The following ZFR variants were observed in gnomAD, a reference collection of about 807,000 sequenced individuals.
ZFR encodes the protein zinc finger RNA binding protein, also known as zinc finger RNA-binding protein.
In ZFR, 19 loss-of-function variants were observed where a neutral mutation model predicts 130.7. The observed-to-expected ratio is 0.15, with a 90% CI of 0.10 to 0.21. The LOEUF (loss-of-function observed/expected upper bound fraction) is 0.21, where lower values mean the gene tolerates loss of function less well. Among genes scored for constraint, ZFR ranks in the 10% least tolerant of loss-of-function variants. The probability of loss-of-function intolerance (pLI) is 1.00; values close to 1 mark genes in which losing one functional copy is unlikely to be tolerated. For missense variants in ZFR, 872 were observed against 1,321.5 expected (o/e 0.66, Z 5.27); for synonymous variants, 466 against 456.9 (o/e 1.02, Z -0.25).
intron 16 of ZFR, 195 bp from the exon 17 acceptor site, chr5:32,379,405 T>C: frequency 1.6e-6 from 1 of 617,358 alleles, no homozygotes; most frequent in Non-Finnish European, 2.9e-6. Flanking sequence ...AAGCTGGTAT[T>C]TAGGTCAAAG....
chr5:32,391,528 T>C (rs967523264), intron 11 of ZFR, among the ~76,000 whole-genome samples: 45 of 82,326 alleles, frequency 5.5e-4, no homozygotes, highest in Non-Finnish European at 1.0e-3. Context: ...ATCTACTCTT[T>C]TTTTTTTTTT....
intron 8 of ZFR, among the ~76,000 whole-genome samples, chr5:32,402,297 C>G (rs927130495): frequency 6.6e-6 from 1 of 151,984 alleles, no homozygotes; most frequent in Non-Finnish European, 1.5e-5. Context: ...GTATCTTAAG[C>G]CTAAAGGTGT....
intron 17 of ZFR, 132 bp downstream of exon 17, chr5:32,378,983 T>C (rs1752884181): frequency 3.2e-6 from 2 of 623,026 alleles, no homozygotes; most frequent in Non-Finnish European, 5.4e-6. Context: ...TCCCCCAGGA[T>C]TTTTCATCAG....
chr5:32,405,388 A>AT (rs1561897608), intron 6 of ZFR, among the ~76,000 whole-genome samples: 1 of 152,086 alleles, frequency 6.6e-6, no homozygotes, highest in African/African-American at 2.4e-5. Flanking sequence ...TCTCAATGAT[A>AT]TTTTTCGCTA....
intron 4 of ZFR, among the ~76,000 whole-genome samples, chr5:32,416,881 C>T (rs1313250024): frequency 6.7e-6 from 1 of 148,924 alleles, no homozygotes; most frequent in Non-Finnish European, 1.5e-5. Flanking sequence ...TCACACCCTT[C>T]AAAAATAATT....
chr5:32,363,095 C>T (rs1004885456), intron 19 of ZFR, among the ~76,000 whole-genome samples: 4 of 152,272 alleles, frequency 2.6e-5, no homozygotes, highest in Admixed American at 6.5e-5. Context: ...CCATTTCTGG[C>T]CTAACAATTT....
intron 15 of ZFR, among the ~76,000 whole-genome samples, chr5:32,381,156 C>T (rs117522559): frequency 7.9e-5 from 12 of 151,944 alleles, no homozygotes; most frequent in Non-Finnish European, 1.0e-4. Context: ...GATCCTGTGA[C>T]GATAGATGTG....
intron 2 of ZFR, among the ~76,000 whole-genome samples, chr5:32,430,079 CAAAA>C (rs56163955): frequency 4.1e-4 from 29 of 70,292 alleles, no homozygotes; most frequent in African/African-American, 1.3e-3. Context: ...GACCCTATTT[CAAAA>C]AAAAAAAAAA....
chr5:32,395,178 GCTC>G lies in ZFR; in HGVS notation c.1957_1959del (p.Glu653del). On this transcript the variant is annotated inframe_deletion, in exon 11 of 20. Coordinates refer to ENST00000265069, the MANE Select transcript of ZFR (RefSeq NM_016107.5). ...TATTACCTCATTTCCATTCTCCAAC[GCTC>G]CTCTTCTTCTCGTCTTCGCCAGTAC... The G allele has an allele frequency of 6.2e-7, 1 of 1,600,662 alleles. No homozygotes were observed. The highest frequency in any genetic ancestry group is 8.5e-7 in the Non-Finnish European group (1 of 1,174,376).
chr5:32,415,515 T>TGTGTGCGCGC (rs1326041688), intron 4 of ZFR, among the ~76,000 whole-genome samples: 40 of 97,990 alleles, frequency 4.1e-4, no homozygotes, highest in Non-Finnish European at 6.9e-4. Context: ...TGTGTGTGTG[T>TGTGTGCGCGC]GCGCGCGCGC....
intron 8 of ZFR, 106 bp downstream of exon 8, chr5:32,403,000 A>T: frequency 9.1e-7 from 1 of 1,104,698 alleles, no homozygotes; most frequent in South Asian, 1.5e-5. Flanking sequence ...TCCCAGAGAG[A>T]AGGGAGGAGG....
intron 19 of ZFR, among the ~76,000 whole-genome samples, chr5:32,361,825 G>A (rs764821057): frequency 4.6e-5 from 7 of 151,968 alleles, no homozygotes; most frequent in African/African-American, 1.2e-4. Flanking sequence ...GTTTTGCCAC[G>A]TTGGTCTCAA....
chr5:32,387,210 T>C (rs916774251), intron 14 of ZFR, among the ~76,000 whole-genome samples: 2 of 152,086 alleles, frequency 1.3e-5, no homozygotes, highest in African/African-American at 2.4e-5. Flanking sequence ...TTGCTACACA[T>C]GGGATTTTTT....
At chr5:32,412,387 A>G (rs2910888) in intron 5 of ZFR, among the ~76,000 whole-genome samples, 142,674 of 152,316 alleles carry the variant, frequency 0.94, 66,915 homozygotes, top group African/African-American at 0.97. Context: ...CACTTCAAAA[A>G]TATCACTATC....
At chr5:32,417,226 T>C (rs976195017) in intron 4 of ZFR, among the ~76,000 whole-genome samples, 7 of 152,178 alleles carry the variant, frequency 4.6e-5, no homozygotes, top group African/African-American at 1.2e-4. Context: ...TTTAACATGA[T>C]TGGTGGCTGA....
intron 19 of ZFR, among the ~76,000 whole-genome samples, chr5:32,359,306 AT>A (rs11326127): frequency 0.22 from 33,345 of 149,414 alleles, 4,481 homozygotes; most frequent in African/African-American, 0.39. Context: ...TTTTTTTGCG[AT>A]TTTTTTTTTT....
chr5:32,402,851 T>G (rs537941697), intron 8 of ZFR, among the ~76,000 whole-genome samples: 2 of 151,892 alleles, frequency 1.3e-5, no homozygotes, highest in African/African-American at 4.8e-5. Context: ...AAAGGGTCTT[T>G]GTGTGTGCAG....
chr5:32,403,848 G>T, intron 7 of ZFR, 58 bp downstream of exon 7: 1 of 1,470,560 alleles, frequency 6.8e-7, no homozygotes, highest in South Asian at 1.6e-5. Flanking sequence ...AACCCCCTTT[G>T]AAAAAGTAAA....
At chr5:32,390,231 C>G (rs1753134998) in intron 12 of ZFR, 44 bp downstream of exon 12, 1 of 1,584,230 alleles carries the variant, frequency 6.3e-7, no homozygotes, top group Admixed American at 1.8e-5. Context: ...TAATGCTGAA[C>G]CAGTCAAACT....
Sources: gnomAD v4.1 joint callset for allele counts (sites outside exome capture counted in the v4.1 genomes callset) on GRCh38, gnomAD v4.1.1 for gene constraint, MANE v1.5 for transcripts, NCBI Gene and HGNC (gene_info 2026-07-23, HGNC 2026-07-21) for gene names.